Variants in C7orf78 observed in about 807,000 individuals in gnomAD.
The protein encoded by C7orf78 is chromosome 7 open reading frame 78.
At chr7:12,527,568 G>A in the C7orf78 span, among the ~76,000 whole-genome samples, 2 of 117,518 alleles carry the variant, frequency 1.7e-5, no homozygotes, top group African/African-American at 7.4e-5. Flanking sequence ...AATGGAACAT[G>A]TCAGCTTTCC....
At chr7:12,504,612 G>C in the C7orf78 span, 1 of 151,986 alleles carries the variant, frequency 6.6e-6, no homozygotes, top group Non-Finnish European at 1.5e-5. Context: ...AATTCTTCTT[G>C]TTTGTCAAAC....
the C7orf78 span, among the ~76,000 whole-genome samples, chr7:12,537,988 T>C: frequency 2.0e-5 from 3 of 152,110 alleles, no homozygotes; most frequent in Non-Finnish European, 4.4e-5. Flanking sequence ...ATGTAAGAAA[T>C]CAGGAAGTTG....
the C7orf78 span, among the ~76,000 whole-genome samples, chr7:12,495,987 G>A: frequency 5.9e-5 from 9 of 151,916 alleles, no homozygotes; most frequent in South Asian, 2.1e-4. Context: ...CTGCAGTGGC[G>A]TGATCTCGGC....
At chr7:12,540,688 A>T in the C7orf78 span, among the ~76,000 whole-genome samples, 2 of 152,192 alleles carry the variant, frequency 1.3e-5, no homozygotes, top group Non-Finnish European at 2.9e-5. Context: ...AACAGAGTAT[A>T]GTTCTACTTC....
At chr7:12,523,293 A>C in the C7orf78 span, 2 of 398,340 alleles carry the variant, frequency 5.0e-6, no homozygotes, top group African/African-American at 4.1e-5. Context: ...AATCATCCTA[A>C]GGAGGTTACA....
chr7:12,495,652 T>C, the C7orf78 span, among the ~76,000 whole-genome samples: 1 of 152,174 alleles, frequency 6.6e-6, no homozygotes, highest in Admixed American at 6.5e-5. Flanking sequence ...AAGTCTCTTG[T>C]TTTTATTTTC....
chr7:12,533,867 C>T, the C7orf78 span, among the ~76,000 whole-genome samples: 1 of 152,176 alleles, frequency 6.6e-6, no homozygotes, highest in Non-Finnish European at 1.5e-5. Context: ...TAGATTATTA[C>T]TGCTGCCTGT....
chr7:12,540,076 T>C, the C7orf78 span, among the ~76,000 whole-genome samples: 1 of 152,206 alleles, frequency 6.6e-6, no homozygotes, highest in Admixed American at 6.5e-5. Context: ...CAATGGAACA[T>C]AGGAGTTTAT....
chr7:12,531,932 C>T, the C7orf78 span, among the ~76,000 whole-genome samples: 33 of 152,180 alleles, frequency 2.2e-4, no homozygotes, highest in South Asian at 6.2e-4. Context: ...GTGGAGGAGG[C>T]GGTGTCTGAT....
At chr7:12,517,599 G>A in the C7orf78 span, among the ~76,000 whole-genome samples, 2 of 151,558 alleles carry the variant, frequency 1.3e-5, no homozygotes, top group Admixed American at 6.6e-5. Flanking sequence ...TTTCATTTTT[G>A]TCTGACTGGG....
the C7orf78 span, chr7:12,484,017 TA>T: frequency 2.0e-5 from 3 of 152,056 alleles, no homozygotes; most frequent in Non-Finnish European, 2.9e-5. Flanking sequence ...AATACAAAGG[TA>T]AAGGTCGATC....
chr7:12,486,767 A>T, the C7orf78 span, among the ~76,000 whole-genome samples: 1 of 152,038 alleles, frequency 6.6e-6, no homozygotes, highest in African/African-American at 2.4e-5. Flanking sequence ...TATGTTCTGC[A>T]TATCGGATAA....
At chr7:12,522,644 A>G in the C7orf78 span, among the ~76,000 whole-genome samples, 1 of 152,064 alleles carries the variant, frequency 6.6e-6, no homozygotes, top group Non-Finnish European at 1.5e-5. Context: ...CTTGCTTCTC[A>G]TAATACTTGC....
At chr7:12,497,055 A>G in the C7orf78 span, among the ~76,000 whole-genome samples, 35,413 of 152,230 alleles carry the variant, frequency 0.23, 5,052 homozygotes, top group East Asian at 0.52. Flanking sequence ...GACTCCAGCC[A>G]TTGTGGATCT....
the C7orf78 span, among the ~76,000 whole-genome samples, chr7:12,515,377 A>G: frequency 1.3e-5 from 2 of 152,080 alleles, no homozygotes; most frequent in Non-Finnish European, 2.9e-5. Context: ...CTCCCACCAT[A>G]ATTCTGAGGC....
chr7:12,534,151 C>T, the C7orf78 span, among the ~76,000 whole-genome samples: 1 of 152,092 alleles, frequency 6.6e-6, no homozygotes, highest in Non-Finnish European at 1.5e-5. Context: ...AGCTTGAGAA[C>T]AACTTTGGCA....
At chr7:12,509,224 G>A in the C7orf78 span, among the ~76,000 whole-genome samples, 12 of 150,266 alleles carry the variant, frequency 8.0e-5, no homozygotes, top group African/African-American at 2.9e-4. Flanking sequence ...CTATATGAAT[G>A]TGGGAAAATG....
At chr7:12,509,390 C>A in the C7orf78 span, among the ~76,000 whole-genome samples, 2 of 152,122 alleles carry the variant, frequency 1.3e-5, no homozygotes, top group Non-Finnish European at 2.9e-5. Context: ...TTTGAGAGAA[C>A]CTGTGTATGT....
the C7orf78 span, among the ~76,000 whole-genome samples, chr7:12,516,382 G>A: frequency 1.3e-5 from 2 of 152,252 alleles, no homozygotes; most frequent in African/African-American, 4.8e-5. Context: ...GAAAATGCAT[G>A]AATGCCCAAG....
Sources: allele counts gnomAD v4.1 joint callset (sites outside exome capture counted in the v4.1 genomes callset), GRCh38; gene constraint gnomAD v4.1.1; transcripts MANE v1.5; gene names NCBI Gene and HGNC (gene_info 2026-07-23, HGNC 2026-07-21).